The following FSTL5 variants were observed in gnomAD, a reference collection of about 807,000 sequenced individuals.
FSTL5 encodes follistatin-related protein 5.
FSTL5 carries 62 observed loss-of-function variants against 89.1 expected under a neutral mutation model. The observed-to-expected ratio is 0.70, with a 90% CI of 0.57 to 0.86. The LOEUF is 0.86. Among genes scored for constraint, FSTL5 ranks in the 40% least tolerant of loss-of-function variants. The pLI is 0.00. For missense variants in FSTL5, 1,057 were observed against 1,001.6 expected (o/e 1.06, Z -0.75); for synonymous variants, 383 against 346.2 (o/e 1.11, Z -1.18).
chr4:161,437,026 T>C (rs1187788499), intron 15 of FSTL5, among the ~76,000 whole-genome samples: 2 of 152,156 alleles, frequency 1.3e-5, no homozygotes, highest in Non-Finnish European at 2.9e-5. Flanking sequence ...TGAAGACAAA[T>C]ATGTCAACAA....
chr4:161,745,370 G>T (rs1740163177), intron 6 of FSTL5, among the ~76,000 whole-genome samples: 1 of 151,972 alleles, frequency 6.6e-6, no homozygotes, highest in South Asian at 2.1e-4. Flanking sequence ...ACAAAAATGT[G>T]CTACTTTCTT....
intron 3 of FSTL5, among the ~76,000 whole-genome samples, chr4:161,946,815 A>G (rs1734746754): frequency 6.6e-6 from 1 of 152,168 alleles, no homozygotes; most frequent in South Asian, 2.1e-4. Flanking sequence ...ACACTGTCAA[A>G]CTGAAACTTT....
At chr4:161,725,305 A>G (rs1036446888) in intron 6 of FSTL5, among the ~76,000 whole-genome samples, 1 of 152,176 alleles carries the variant, frequency 6.6e-6, no homozygotes, top group African/African-American at 2.4e-5. Context: ...AATACCATTC[A>G]CTCTACAAAT....
At chr4:161,853,438 T>G (rs1312448337) in intron 4 of FSTL5, among the ~76,000 whole-genome samples, 1 of 152,120 alleles carries the variant, frequency 6.6e-6, no homozygotes, top group Non-Finnish European at 1.5e-5. Flanking sequence ...CAGCTAATTT[T>G]TGTATTTTTA....
chr4:161,415,294 C>T (rs560015138), intron 15 of FSTL5, among the ~76,000 whole-genome samples: 96 of 152,160 alleles, frequency 6.3e-4, no homozygotes, highest in African/African-American at 2.1e-3. Flanking sequence ...TTCACTCTGT[C>T]GCCCAGGCTG....
chr4:162,044,331 AG>A (rs1738089571), intron 2 of FSTL5, among the ~76,000 whole-genome samples: 1 of 152,182 alleles, frequency 6.6e-6, no homozygotes, highest in African/African-American at 2.4e-5. Context: ...ATTGTGAAAG[AG>A]GAGTAATATT....
chr4:161,832,773 T>C (rs1730891029), intron 4 of FSTL5, among the ~76,000 whole-genome samples: 1 of 151,764 alleles, frequency 6.6e-6, no homozygotes, highest in African/African-American at 2.4e-5. Context: ...TTCTCTCTTT[T>C]CTTCTTTATT....
At chr4:161,674,633 A>G (rs1475804111) in intron 6 of FSTL5, among the ~76,000 whole-genome samples, 1 of 152,174 alleles carries the variant, frequency 6.6e-6, no homozygotes, top group Non-Finnish European at 1.5e-5. Context: ...TGGCTATGTC[A>G]CACTGCAAAG....
rs1553974288 is a variant in FSTL5 at position 161,872,148 on chromosome 4, T to TTTG, written c.409+48255_409+48256insCAA. Among the ~76,000 whole-genome samples the TTTG allele has an allele frequency of 1.5e-4, 21 of 135,802 alleles. 1 individual carries two copies. In the East Asian group the frequency reaches 2.5e-3, roughly 16 times the overall value. The allele number at this position is 135,802 out of a possible 152,430, so 89.1% of individuals were successfully genotyped here. ...AGTTTGTTTTTTTTTTTGGTTTTTTTTTTTTTTTTTGTAGAGACAAGGATT... is the reference window on the plus strand; with the variant it reads ...AGTTTGTTTTTTTTTTTGGTTTTTTTTTGTTTTTTTTTTGTAGAGACAAGGATT... On this transcript the variant is annotated intron_variant, in intron 4 of 15. Transcript: ENST00000306100.
chr4:161,870,455 G>A (rs1732228941), intron 4 of FSTL5, among the ~76,000 whole-genome samples: 1 of 151,990 alleles, frequency 6.6e-6, no homozygotes, highest in Non-Finnish European at 1.5e-5. Context: ...CTGAATAATA[G>A]CCTAATTTAA....
At chr4:161,585,011 G>C (rs1733557226) in intron 8 of FSTL5, among the ~76,000 whole-genome samples, 1 of 152,086 alleles carries the variant, frequency 6.6e-6, no homozygotes, top group African/African-American at 2.4e-5. Flanking sequence ...TAATGCTAAG[G>C]CTGATGGGGA....
At chr4:161,827,751 G>C (rs904146022) in intron 4 of FSTL5, among the ~76,000 whole-genome samples, 1 of 152,126 alleles carries the variant, frequency 6.6e-6, no homozygotes, top group African/African-American at 2.4e-5. Context: ...GGCAGTTACA[G>C]GCCTCACCCA....
At chr4:161,892,066 T>G (rs953935553) in intron 4 of FSTL5, among the ~76,000 whole-genome samples, 2 of 152,056 alleles carry the variant, frequency 1.3e-5, no homozygotes, top group Non-Finnish European at 2.9e-5. Flanking sequence ...TATTCATGTT[T>G]ATGCATGCAT....
chr4:161,471,205 G>C (rs116696534), intron 13 of FSTL5, among the ~76,000 whole-genome samples: 1 of 152,174 alleles, frequency 6.6e-6, no homozygotes, highest in Admixed American at 6.5e-5. Context: ...TCCCACATGG[G>C]TTTTATATGT....
At chr4:161,697,672 A>G (rs1389406242) in intron 6 of FSTL5, among the ~76,000 whole-genome samples, 1 of 152,204 alleles carries the variant, frequency 6.6e-6, no homozygotes, top group Non-Finnish European at 1.5e-5. Flanking sequence ...TTCATCCATA[A>G]AAAGAATGAA....
chr4:162,007,323 T>C (rs1045791450), intron 3 of FSTL5, among the ~76,000 whole-genome samples: 1 of 151,748 alleles, frequency 6.6e-6, no homozygotes, highest in Non-Finnish European at 1.5e-5. Context: ...AGATGTTGAG[T>C]TGTAATTAAC....
intron 6 of FSTL5, among the ~76,000 whole-genome samples, chr4:161,707,330 G>T (rs1476460817): frequency 2.6e-5 from 4 of 151,736 alleles, no homozygotes; most frequent in Non-Finnish European, 5.9e-5. Flanking sequence ...GCACTATTGA[G>T]AAACTATGTT....
Position 161,455,114 on chromosome 4 carries a change from G to T in FSTL5, c.1731C>A (p.Ala577=). ...TSPTLQVITL[A]SGNVPHHTIH... ...TCGTGTGGTGAGGCACATTCCCACT[G>T]GCCAGGGTAATTACCTAAAGAGAAC... is the stretch of plus-strand genomic sequence containing the variant. The change falls in exon 15 of 16, where the codon GCC becomes GCA. Residue 577 remains alanine (A), a synonymous_variant. Transcript: ENST00000306100. The T allele has an allele frequency of 2.5e-6, 4 of 1,607,122 alleles. No individual in the cohort carries two copies. Among genetic ancestry groups the T allele is most frequent in the Non-Finnish European group, 3.4e-6 (4 of 1,177,308 alleles).
At chr4:161,557,480 C>G (rs72687529) in intron 8 of FSTL5, among the ~76,000 whole-genome samples, 11,462 of 151,560 alleles carry the variant, frequency 0.076, 541 homozygotes, top group Middle Eastern at 0.17. Flanking sequence ...ACAGGCATTA[C>G]CATAGATAAT....
Sources: gnomAD v4.1 joint callset for allele counts (sites outside exome capture counted in the v4.1 genomes callset) on GRCh38, gnomAD v4.1.1 for gene constraint, MANE v1.5 for transcripts, NCBI Gene and HGNC (gene_info 2026-07-23, HGNC 2026-07-21) for gene names.